Variants in CRTAM observed in about 807,000 individuals in gnomAD.
CRTAM encodes cytotoxic and regulatory T cell molecule.
Under a neutral mutation model 50.0 loss-of-function variants are expected in CRTAM, and 44 were observed. That is an observed-to-expected ratio of 0.88 (90% confidence interval 0.69 to 1.13). The LOEUF is 1.13. CRTAM is among the 50% of genes most tolerant of loss of function. The pLI is 0.00. For synonymous variants in CRTAM, 159 were observed against 169.3 expected (o/e 0.94, Z 0.47); for missense variants, 448 against 457.5 (o/e 0.98, Z 0.19).
At chr11:122,869,492 C>T (rs1369292879) in intron 9 of CRTAM, among the ~76,000 whole-genome samples, 3 of 152,064 alleles carry the variant, frequency 2.0e-5, no homozygotes, top group Non-Finnish European at 4.4e-5. Context: ...TGAAGAGAAT[C>T]GGGATGGGAA....
chr11:122,839,611 A>G (rs1861775278), intron 1 of CRTAM, among the ~76,000 whole-genome samples: 1 of 152,320 alleles, frequency 6.6e-6, no homozygotes. Context: ...TTTCTACCCA[A>G]AAGTGGGGGC....
intron 3 of CRTAM, among the ~76,000 whole-genome samples, chr11:122,853,741 C>T (rs1304625755): frequency 6.6e-6 from 1 of 151,916 alleles, no homozygotes; most frequent in African/African-American, 2.4e-5. Flanking sequence ...TTGCGTGAAC[C>T]TGGGAGGTGG....
intron 1 of CRTAM, among the ~76,000 whole-genome samples, chr11:122,845,837 T>A (rs1861856452): frequency 6.6e-6 from 1 of 152,204 alleles, no homozygotes; most frequent in South Asian, 2.1e-4. Context: ...ATTTGTGTGC[T>A]GATGAGAATG....
intron 5 of CRTAM, among the ~76,000 whole-genome samples, chr11:122,860,229 T>C (rs1862054245): frequency 6.6e-6 from 1 of 152,042 alleles, no homozygotes; most frequent in South Asian, 2.1e-4. Flanking sequence ...TGTGTTTTTA[T>C]TAGTAGAGTC....
At chr11:122,850,968 G>A (rs1007725759) in intron 2 of CRTAM, among the ~76,000 whole-genome samples, 1 of 152,154 alleles carries the variant, frequency 6.6e-6, no homozygotes, top group African/African-American at 2.4e-5. Flanking sequence ...GCCTCTTAAA[G>A]CATATCATGC....
intron 9 of CRTAM, among the ~76,000 whole-genome samples, chr11:122,868,804 C>T (rs537115265): frequency 8.8e-4 from 134 of 152,212 alleles, no homozygotes; most frequent in Admixed American, 1.4e-3. Flanking sequence ...GTCAGGAGAT[C>T]GAGACCATCC....
intron 3 of CRTAM, among the ~76,000 whole-genome samples, chr11:122,852,958 C>A (rs1163952240): frequency 6.6e-6 from 1 of 151,918 alleles, no homozygotes; most frequent in Non-Finnish European, 1.5e-5. Flanking sequence ...CAGTTCTGGA[C>A]TGAAGTGGAA....
chr11:122,850,144 T>G lies in CRTAM; in HGVS notation c.123T>G (p.Ser41=). The change falls in exon 2 of 10, where the codon TCT becomes TCG. Residue 41 remains serine (S), a synonymous_variant. Transcript: ENST00000227348. The part of the protein sequence containing the change: ...GQTLTLKCVT[S]LRKNSSLQWL... ...CGCTCACTCTAAAGTGTGTCACTTCTCTGAGGAAGAACTCCTCCCTCCAGT... is the reference window on the plus strand; with the variant it reads ...CGCTCACTCTAAAGTGTGTCACTTCGCTGAGGAAGAACTCCTCCCTCCAGT... The G allele has an allele frequency of 1.2e-6, 2 of 1,613,616 alleles. No individual in the cohort carries two copies. The highest frequency in any genetic ancestry group is 2.2e-5 in the East Asian group (1 of 44,880).
chr11:122,850,016 T>G, intron 1 of CRTAM, 52 bp from the exon 2 acceptor site: 1 of 1,478,446 alleles, frequency 6.8e-7, no homozygotes, highest in Non-Finnish European at 9.1e-7. Flanking sequence ...ACAAAATCCC[T>G]GAGACACTGT....
chr11:122,863,844 G>A (rs917138250), intron 6 of CRTAM, among the ~76,000 whole-genome samples: 3 of 151,834 alleles, frequency 2.0e-5, no homozygotes, highest in South Asian at 2.1e-4. Context: ...CCATTTCTAC[G>A]ATTTTATTAC....
intron 6 of CRTAM, among the ~76,000 whole-genome samples, chr11:122,863,307 AAAAGAAAGAAAGAAAAAGAAAG>A (rs1212596847): frequency 1.5e-4 from 21 of 137,730 alleles, no homozygotes; most frequent in African/African-American, 5.4e-4. Flanking sequence ...AGAGAGAAAG[AAAAGAAAGAAAGAAAAAGAAAG>A]AAAGAAAGAA....
At chr11:122,861,458 A>G (rs1449062478) in intron 5 of CRTAM, among the ~76,000 whole-genome samples, 3 of 97,292 alleles carry the variant, frequency 3.1e-5, no homozygotes, top group Admixed American at 1.6e-4. Flanking sequence ...TTTGAGAGGG[A>G]GTCTCCTCGC....
In CRTAM at chr11:122,862,182, G is replaced by C. The variant is rs924455076; in HGVS notation, c.653-282G>C. 5 of 422,110 alleles carry C rather than the reference G, an allele frequency of 1.2e-5. No homozygotes were observed. The Admixed American group carries it at 1.9e-4, about 16-fold the overall frequency. 26.1% of individuals were successfully genotyped at this position (422,110 alleles called of 1,614,324 possible). The stretch of plus-strand genomic sequence containing the variant: ...AGACAGAGGGATTGATTGATGGATA[G>C]AAGGACACAGATAGAAACAGTGAAT... On this transcript the variant is annotated intron_variant, in intron 5 of 9. Coordinates refer to ENST00000227348, the MANE Select transcript of CRTAM (RefSeq NM_019604.4).
rs1862095122 is a variant in CRTAM at position 122,862,245 on chromosome 11, C to T, written c.653-219C>T. ...CCACTGCCACCACACAGAGGTCCAG[C>T]ATGCTGTGCTTTAAGCCAGGCAGGT... is the stretch of plus-strand genomic sequence containing the variant. On this transcript the variant is annotated intron_variant, in intron 5 of 9. Transcript: ENST00000227348. The T allele has an allele frequency of 1.2e-5, 7 of 564,836 alleles. No individual in the cohort carries two copies. In the South Asian group the frequency reaches 1.7e-4, roughly 14 times the overall value. The allele number at this position is 564,836 out of a possible 1,614,324, so 35.0% of individuals were successfully genotyped here. A position where few individuals can be genotyped will look rare whatever the true frequency, so the allele number is the denominator to read the frequency against.
chr11:122,847,357 G>T (rs2370795), intron 1 of CRTAM, among the ~76,000 whole-genome samples: 1 of 152,056 alleles, frequency 6.6e-6, no homozygotes, highest in African/African-American at 2.4e-5. Flanking sequence ...AAGCCTAGGG[G>T]TCTATTGACA....
At chr11:122,861,814 C>T (rs1370722261) in intron 5 of CRTAM, among the ~76,000 whole-genome samples, 1 of 152,068 alleles carries the variant, frequency 6.6e-6, no homozygotes. Flanking sequence ...CTGGTAAAAC[C>T]TGTTCAATGA....
At chr11:122,855,398 A>G (rs907333248) in intron 4 of CRTAM, among the ~76,000 whole-genome samples, 2 of 152,224 alleles carry the variant, frequency 1.3e-5, no homozygotes, top group African/African-American at 4.8e-5. Context: ...AATTCGCCTT[A>G]TTCATATAAC....
chr11:122,862,081 C>A (rs1862092506), intron 5 of CRTAM, among the ~76,000 whole-genome samples: 1 of 152,152 alleles, frequency 6.6e-6, no homozygotes, highest in African/African-American at 2.4e-5. Flanking sequence ...AATAGCAGCA[C>A]TGGAATTCAG....
At chr11:122,865,330 C>G (rs1021195223) in intron 7 of CRTAM, among the ~76,000 whole-genome samples, 1 of 152,174 alleles carries the variant, frequency 6.6e-6, no homozygotes, top group Non-Finnish European at 1.5e-5. Context: ...CCACCGCGCC[C>G]GGCTGTTCTT....
Sources: gnomAD v4.1 joint callset for allele counts (sites outside exome capture counted in the v4.1 genomes callset) on GRCh38, gnomAD v4.1.1 for gene constraint, MANE v1.5 for transcripts, NCBI Gene and HGNC (gene_info 2026-07-23, HGNC 2026-07-21) for gene names.